The following OGA variants were observed in gnomAD, a reference collection of about 807,000 sequenced individuals.
The protein encoded by OGA is protein O-GlcNAcase.
Under a neutral mutation model 102.0 loss-of-function variants are expected in OGA, and 21 were observed. The observed-to-expected ratio is 0.21, with a 90% CI of 0.15 to 0.30. The LOEUF is 0.30. OGA is among the 10% of genes least tolerant of loss of function. The pLI is 1.00. For synonymous variants in OGA, 408 were observed against 378.2 expected, an observed-to-expected ratio of 1.08 and a Z score of -0.91; for missense variants, 765 against 1,107.8, an observed-to-expected ratio of 0.69 and a Z score of 4.39.
intron 1 of OGA, 38 bp downstream of exon 1, chr10:101,817,784 CGT>C (rs770437279): frequency 6.5e-7 from 1 of 1,533,352 alleles, no homozygotes; most frequent in South Asian, 1.2e-5. Flanking sequence ...GAGGACAGAA[CGT>C]GTTAGTGCCA....
chr10:101,800,589 A>C (rs1589831024), intron 7 of OGA, among the ~76,000 whole-genome samples, 189 bp from the exon 8 acceptor site: 2 of 152,340 alleles, frequency 1.3e-5, no homozygotes, highest in Middle Eastern at 3.4e-3. Context: ...CATATAGGAT[A>C]GTAACCTAAA....
rs751327056 is a variant in OGA at position 101,800,225 on chromosome 10, A to C, written c.1195+17T>G. The C allele has an allele frequency of 1.2e-6, 2 of 1,610,672 alleles. No individual in the cohort carries two copies. Among genetic ancestry groups the C allele is most frequent in the Non-Finnish European group, 1.7e-6 (2 of 1,177,476 alleles). ...CTATGTGATCTAACCCCCTTAACAA[A>C]GAATGGCCAAACTCACTGCTGTATT... On this transcript the variant is annotated intron_variant, in intron 8 of 15. Transcript: ENST00000361464.
In OGA at chr10:101,799,560, G is replaced by A. The variant is rs1048020374; in HGVS notation, c.1196-105C>T. 9 of 1,201,700 alleles carry A rather than the reference G, an allele frequency of 7.5e-6. No individual in the cohort carries two copies. The Admixed American group carries it at 2.3e-4, about 30-fold the overall frequency. The allele number at this position is 1,201,700 out of a possible 1,614,324, so 74.4% of individuals were successfully genotyped here. A position where few individuals can be genotyped will look rare whatever the true frequency, so the allele number is the denominator to read the frequency against. On this transcript the variant is annotated intron_variant, in intron 8 of 15. Coordinates refer to ENST00000361464, the MANE Select transcript of OGA (RefSeq NM_012215.5). ...AGATGCTTTATCATATTTGTTAAGTGGAACCTCAATTTTAGATCCAAATTA... is the reference window on the plus strand; with the variant it reads ...AGATGCTTTATCATATTTGTTAAGTAGAACCTCAATTTTAGATCCAAATTA...
chr10:101,794,708 A>C (rs1333574904), intron 10 of OGA, among the ~76,000 whole-genome samples: 1 of 152,240 alleles, frequency 6.6e-6, no homozygotes, highest in African/African-American at 2.4e-5. Context: ...CCATTATAAT[A>C]ATCTTTGCAA....
Position 101,790,924 on chromosome 10 carries a change from T to C in OGA, c.2426A>G (p.Asn809Ser). Residue 809 changes from asparagine (N) to serine (S), a missense_variant, in exon 14 of 16, where the codon AAT (asparagine) becomes AGT (serine). Coordinates refer to ENST00000361464, the MANE Select transcript of OGA (RefSeq NM_012215.5). ...PFMQEKYTKP[N>S]GDKELSEAEK... ...AGCCTCAGAGAGTTCCTTGTCACCATTTGGCTTGGTATACTTCTCCTGCAT... is the reference window on the plus strand; with the variant it reads ...AGCCTCAGAGAGTTCCTTGTCACCACTTGGCTTGGTATACTTCTCCTGCAT... The C allele has an allele frequency of 6.2e-7, 1 of 1,611,658 alleles. No individual in the cohort carries two copies. The highest frequency in any genetic ancestry group is 2.2e-5 in the East Asian group (1 of 44,838).
At position 101,817,813 on chromosome 10, in the gene OGA, A is replaced by G; in HGVS notation, c.199+11T>C. ...TTAGTGCCAAAACGGGGAGGGAAGG[A>G]GGGCGCTCACCTTCCACCACACCGC... is the stretch of plus-strand genomic sequence containing the variant. On this transcript the variant is annotated intron_variant, in intron 1 of 15. Coordinates refer to ENST00000361464, the MANE Select transcript of OGA (RefSeq NM_012215.5). The G allele has an allele frequency of 1.3e-6, 2 of 1,536,618 alleles. No individual in the cohort carries two copies. Among genetic ancestry groups the G allele is most frequent in the Non-Finnish European group, 1.7e-6 (2 of 1,146,222 alleles).
intron 7 of OGA, among the ~76,000 whole-genome samples, chr10:101,803,097 C>T (rs146452948): frequency 3.4e-5 from 5 of 148,108 alleles, no homozygotes; most frequent in African/African-American, 1.0e-4. Flanking sequence ...GCTGAGATTG[C>T]GCCACTGCAC....
chr10:101,790,889 G>T lies in OGA; in HGVS notation c.2454+7C>A, dbSNP rs1589823826. On this transcript the variant is annotated splice_region_variant and intron_variant, in intron 14 of 15. Transcript: ENST00000361464. ...TACCATAGTATAATTCTTAACCTTT[G>T]TATTACCTCAGCCTCAGAGAGTTCC... 1 of 1,573,930 alleles carries T rather than the reference G, an allele frequency of 6.4e-7. No individual in the cohort carries two copies.
At chr10:101,809,399 A>G (rs2065519429) in intron 4 of OGA, among the ~76,000 whole-genome samples, 1 of 152,188 alleles carries the variant, frequency 6.6e-6, no homozygotes, top group Non-Finnish European at 1.5e-5. Context: ...CTTTTTACTT[A>G]ATTTGGAAAA....
intron 15 of OGA, 41 bp from the exon 16 acceptor site, chr10:101,786,628 T>A: frequency 7.0e-7 from 1 of 1,438,412 alleles, no homozygotes; most frequent in Non-Finnish European, 9.3e-7. Context: ...ATAAGTCACT[T>A]AATTAGTATA....
In OGA at chr10:101,798,850, A is replaced by G; in HGVS notation, c.1801T>C (p.Ser601Pro). The G allele has an allele frequency of 1.2e-6, 2 of 1,610,020 alleles. No homozygotes were observed. Among genetic ancestry groups the G allele is most frequent in the East Asian group, 2.2e-5 (1 of 44,860 alleles). Reference sequence around the variant, plus strand: ...ACATTAAACATACTCACTTTTTCAGAGTCTTTTCCTTTGCAATTGACACTG... The same window carrying G: ...ACATTAAACATACTCACTTTTTCAGGGTCTTTTCCTTTGCAATTGACACTG... The part of the protein sequence containing the change: ...VVSVNCKGKD[S>P]EKIEEWRSRA... The change falls in exon 9 of 16, where the codon TCT becomes CCT. Residue 601 changes from serine to proline, a missense_variant. Ser to Pro is a moderately conservative substitution (Grantham distance 74). Transcript: ENST00000361464.
At chr10:101,799,566 T>C (rs1415412071) in intron 8 of OGA, 111 bp from the exon 9 acceptor site, 4 of 1,117,890 alleles carry the variant, frequency 3.6e-6, no homozygotes, top group Non-Finnish European at 5.0e-6. Flanking sequence ...AAGTGGAACC[T>C]CAATTTTAGA....
In OGA at chr10:101,818,176, A is replaced by C; in HGVS notation, c.-154T>G. Reference sequence around the variant, plus strand: ...TCTGCCCTTCCCCCTCCCTCTCCGCAGGGACCCGAATGCCCGGATGAGAAG... The same window carrying C: ...TCTGCCCTTCCCCCTCCCTCTCCGCCGGGACCCGAATGCCCGGATGAGAAG... On this transcript the variant is annotated 5_prime_UTR_variant, in exon 1 of 16. Transcript: ENST00000361464. The C allele has an allele frequency of 1.5e-6, 2 of 1,354,524 alleles. No homozygotes were observed. Among genetic ancestry groups the C allele is most frequent in the Non-Finnish European group, 1.9e-6 (2 of 1,056,838 alleles). The allele number at this position is 1,354,524 out of a possible 1,614,324, so 83.9% of individuals were successfully genotyped here. A position where few individuals can be genotyped will look rare whatever the true frequency, so the allele number is the denominator to read the frequency against.
intron 13 of OGA, 94 bp downstream of exon 13, chr10:101,791,260 A>C: frequency 8.0e-7 from 1 of 1,244,586 alleles, no homozygotes; most frequent in Non-Finnish European, 1.1e-6. Flanking sequence ...TGGGATTTAA[A>C]ATAAATAAAT....
intron 12 of OGA, 67 bp from the exon 13 acceptor site, chr10:101,791,506 A>T (rs778583858): frequency 5.5e-5 from 72 of 1,319,888 alleles, no homozygotes; most frequent in Admixed American, 1.9e-4. Flanking sequence ...AATATAACTC[A>T]CAAGTCAGTC....
In OGA at chr10:101,797,967, C is replaced by T; in HGVS notation, c.1984+13G>A. 6.2e-7 allele frequency: 1 copy of T among 1,607,632 alleles called. No individual in the cohort carries two copies. The highest frequency in any genetic ancestry group is 8.5e-7 in the Non-Finnish European group (1 of 1,175,382). On this transcript the variant is annotated intron_variant, in intron 10 of 15. Coordinates refer to ENST00000361464, the MANE Select transcript of OGA (RefSeq NM_012215.5). ...TATATTTGAGGAGAAGAGATTATTC[C>T]TGGTGCACCTACCTAACCACTGTAC... is the stretch of plus-strand genomic sequence containing the variant.
Position 101,800,245 on chromosome 10 carries a change from T to C in OGA, c.1192A>G (p.Ser398Gly). 1 of 1,613,706 alleles carries C rather than the reference T, an allele frequency of 6.2e-7. No individual in the cohort carries two copies. Among genetic ancestry groups the C allele is most frequent in the Non-Finnish European group, 8.5e-7 (1 of 1,179,722 alleles). ...LQEFGVPHQY[S>G]SRQVAHSGAK... ...AACAAAGAATGGCCAAACTCACTGC[T>C]GTATTGATGAGGCACACCAAACTCT... is the stretch of plus-strand genomic sequence containing the variant. The change falls in exon 8 of 16, where the codon AGC (serine) becomes GGC (glycine). Residue 398 changes from serine (S) to glycine (G), a missense_variant. By Grantham distance (56) the Ser-to-Gly change is moderately conservative. Coordinates refer to ENST00000361464, the MANE Select transcript of OGA (RefSeq NM_012215.5).
chr10:101,803,448 T>TAA (rs575226082), intron 7 of OGA, among the ~76,000 whole-genome samples: 5 of 74,276 alleles, frequency 6.7e-5, no homozygotes, highest in Non-Finnish European at 1.4e-4. Context: ...TGAATCATAC[T>TAA]AAAAAAAAAA....
chr10:101,818,385 C>T lies in OGA; in HGVS notation c.-363G>A. On this transcript the variant is annotated 5_prime_UTR_variant, in exon 1 of 16. Coordinates refer to ENST00000361464, the MANE Select transcript of OGA (RefSeq NM_012215.5). ...AATCTTAGGTCTTCCGCTGTTTCCC[C>T]TCCAAGCCCCGAGCTCTCCCTCTGC... is the stretch of plus-strand genomic sequence containing the variant. The T allele has an allele frequency of 2.9e-6, 3 of 1,041,316 alleles. No homozygotes were observed. The highest frequency in any genetic ancestry group is 4.6e-4 in the Middle Eastern group (1 of 2,186). 64.5% of individuals were successfully genotyped at this position (1,041,316 alleles called of 1,614,324 possible).
Sources: allele counts gnomAD v4.1 joint callset (sites outside exome capture counted in the v4.1 genomes callset), GRCh38; gene constraint gnomAD v4.1.1; transcripts MANE v1.5; gene names NCBI Gene and HGNC (gene_info 2026-07-23, HGNC 2026-07-21).